PIEZO2: variants seen among roughly 807,000 people sequenced by gnomAD.
PIEZO2 encodes the protein piezo-type mechanosensitive ion channel component 2.
PIEZO2 carries 172 observed loss-of-function variants against 337.3 expected under a neutral mutation model. That is an observed-to-expected ratio of 0.51 (90% CI 0.45 to 0.58). The LOEUF is 0.58. PIEZO2 is among the 20% of genes least tolerant of loss of function. The pLI is 0.00. For missense variants in PIEZO2, 3,028 were observed against 3,391.3 expected (o/e 0.89, Z 2.66); for synonymous variants, 1,251 against 1,228.5 (o/e 1.02, Z -0.38).
chr18:11,083,535 C>T lies in PIEZO2; in HGVS notation c.65-17313G>A, dbSNP rs2038821766. Among the ~76,000 whole-genome samples, 1 of 152,146 alleles carries T rather than the reference C, an allele frequency of 6.6e-6. No homozygotes were observed. Among genetic ancestry groups the T allele is most frequent in the Non-Finnish European group, 1.5e-5 (1 of 68,032 alleles). On this transcript the variant is annotated intron_variant, in intron 1 of 55. Coordinates refer to ENST00000674853, the MANE Select transcript of PIEZO2 (RefSeq NM_001378183.1). The surrounding 1 kb of genome is among the most constrained non-coding windows in gnomAD (Gnocchi z 4.4). ...GCCTGTACACAAAGGGGGAGCCACT[C>T]AGGTGGTGCCAGCCCTGCAGGGCAC...
intron 40 of PIEZO2, among the ~76,000 whole-genome samples, chr18:10,705,991 C>T (rs1336907386): frequency 6.6e-6 from 1 of 152,234 alleles, no homozygotes; most frequent in Non-Finnish European, 1.5e-5. Flanking sequence ...AGTCACGTGG[C>T]TCTCAAAGAG....
chr18:10,985,021 T>C (rs2034814295), intron 2 of PIEZO2, among the ~76,000 whole-genome samples: 1 of 152,066 alleles, frequency 6.6e-6, no homozygotes, highest in Non-Finnish European at 1.5e-5. Context: ...ACAAAGACTT[T>C]CCCAGAAAGG....
At chr18:11,119,534 C>A (rs1365801821) in intron 1 of PIEZO2, among the ~76,000 whole-genome samples, 1 of 152,198 alleles carries the variant, frequency 6.6e-6, no homozygotes, top group African/African-American at 2.4e-5. Flanking sequence ...TTTAAAAGAA[C>A]TGTGTTTGTG....
At chr18:10,799,583 C>CACTA (rs2039730249) in intron 11 of PIEZO2, among the ~76,000 whole-genome samples, 1 of 152,118 alleles carries the variant, frequency 6.6e-6, no homozygotes, top group South Asian at 2.1e-4. Flanking sequence ...TAGTGGTCTC[C>CACTA]TTCAACATAA....
rs1419095734 is a variant in PIEZO2 at position 10,877,537 on chromosome 18, G to A, written c.330-6122C>T. ...CTATAGTCCTAATTTTGGAAAACAC[G>A]GCTGTCATCAACCTAGTGACCAAAA... On this transcript the variant is annotated intron_variant, in intron 4 of 55. Coordinates refer to ENST00000674853, the MANE Select transcript of PIEZO2 (RefSeq NM_001378183.1). The surrounding 1 kb of genome is among the most constrained non-coding windows in gnomAD (Gnocchi z 5.3). 6.6e-6 allele frequency among the ~76,000 whole-genome samples: 1 copy of A among 152,018 alleles called. No individual in the cohort carries two copies. The highest frequency in any genetic ancestry group is 2.4e-5 in the African/African-American group (1 of 41,388).
intron 17 of PIEZO2, among the ~76,000 whole-genome samples, chr18:10,782,556 G>A (rs759239048): frequency 4.4e-5 from 6 of 136,972 alleles, no homozygotes; most frequent in South Asian, 2.2e-4. Context: ...TTCATAGAAC[G>A]AAAAATGAAA....
intron 7 of PIEZO2, 139 bp from the exon 8 acceptor site, chr18:10,807,413 C>G: frequency 1.5e-6 from 1 of 688,498 alleles, no homozygotes. Flanking sequence ...TTCAATTACC[C>G]TTCTGTATAC....
chr18:11,137,851 C>T (rs1043487945), intron 1 of PIEZO2, among the ~76,000 whole-genome samples: 1 of 152,154 alleles, frequency 6.6e-6, no homozygotes, highest in Non-Finnish European at 1.5e-5. Context: ...GAAAACAGAT[C>T]GATTTGTGTG....
At chr18:10,706,953 A>G (rs568823317) in intron 40 of PIEZO2, among the ~76,000 whole-genome samples, 18 of 152,308 alleles carry the variant, frequency 1.2e-4, no homozygotes, top group African/African-American at 4.3e-4. Context: ...ACCAGTATAG[A>G]CATATGGATG....
At position 11,032,939 on chromosome 18, in the gene PIEZO2, A is replaced by G. The variant is rs1359816910; in HGVS notation, c.160+33188T>C. On this transcript the variant is annotated intron_variant, in intron 2 of 55. Coordinates refer to ENST00000674853, the MANE Select transcript of PIEZO2 (RefSeq NM_001378183.1). This position sits in a 1 kb window ranked among gnomAD's most constrained non-coding sequence, Gnocchi z 4.9. The stretch of plus-strand genomic sequence containing the variant: ...ATTGCTGAGGCCCTTCTAGCCATGG[A>G]TAGCACTGGACTCACAGTCAAGGTA... Among the ~76,000 whole-genome samples the G allele has an allele frequency of 1.3e-5, 2 of 152,202 alleles. No individual in the cohort carries two copies. The highest frequency in any genetic ancestry group is 4.1e-4 in the South Asian group (2 of 4,832).
intron 1 of PIEZO2, among the ~76,000 whole-genome samples, chr18:11,145,797 T>TAA (rs2040794721): frequency 1.3e-5 from 2 of 152,172 alleles, no homozygotes; most frequent in Non-Finnish European, 2.9e-5. Flanking sequence ...TCAATAATTT[T>TAA]CCAGAATGCA....
intron 3 of PIEZO2, among the ~76,000 whole-genome samples, chr18:10,965,901 T>C (rs57143705): frequency 0.02 from 3,039 of 152,248 alleles, 114 homozygotes; most frequent in African/African-American, 0.069. Context: ...TAGGGAAATA[T>C]AAGGTCCATG....
At chr18:10,774,546 G>C (rs899486037) in intron 18 of PIEZO2, among the ~76,000 whole-genome samples, 1 of 152,140 alleles carries the variant, frequency 6.6e-6, no homozygotes, top group African/African-American at 2.4e-5. Flanking sequence ...TGGCAACCGT[G>C]GGAAGACTGT....
chr18:10,877,278 T>A lies in PIEZO2; in HGVS notation c.330-5863A>T, dbSNP rs1274069286. 6.6e-6 allele frequency among the ~76,000 whole-genome samples: 1 copy of A among 152,224 alleles called. No homozygotes were observed. Among genetic ancestry groups the A allele is most frequent in the Admixed American group, 6.5e-5 (1 of 15,288 alleles). On this transcript the variant is annotated intron_variant, in intron 4 of 55. Coordinates refer to ENST00000674853, the MANE Select transcript of PIEZO2 (RefSeq NM_001378183.1). The surrounding 1 kb of genome is among the most constrained non-coding windows in gnomAD (Gnocchi z 5.3). ...AATCAGAATCACAGATCAATGAACA[T>A]TTTCTAGCACACCATTTCCCAAAAG...
Position 10,954,173 on chromosome 18 carries a change from T to C in PIEZO2, c.286+25362A>G, listed in dbSNP as rs1414588897. Among the ~76,000 whole-genome samples, 1 of 152,248 alleles carries C rather than the reference T, an allele frequency of 6.6e-6. No individual in the cohort carries two copies. The highest frequency in any genetic ancestry group is 1.5e-5 in the Non-Finnish European group (1 of 68,044). On this transcript the variant is annotated intron_variant, in intron 3 of 55. Coordinates refer to ENST00000674853, the MANE Select transcript of PIEZO2 (RefSeq NM_001378183.1). The surrounding 1 kb of genome is among the most constrained non-coding windows in gnomAD (Gnocchi z 4.2). ...TTACTTTGGCTATTGTAGTTTTTTT[T>C]CCATATATATTTTAGAGTCAGCTTG...
rs923098945 is a variant in PIEZO2, at chr18:10,853,367, A to G, written c.917+1986T>C. On this transcript the variant is annotated intron_variant, in intron 7 of 55. Coordinates refer to ENST00000674853, the MANE Select transcript of PIEZO2 (RefSeq NM_001378183.1). This position sits in a 1 kb window ranked among gnomAD's most constrained non-coding sequence, Gnocchi z 4.2. ...TTCCAAGTGTACTTCACTTCCTTTCATTCCTGCTCTAAAGCTTTTTAATAC... is the reference window on the plus strand; with the variant it reads ...TTCCAAGTGTACTTCACTTCCTTTCGTTCCTGCTCTAAAGCTTTTTAATAC... Among the ~76,000 whole-genome samples the G allele has an allele frequency of 6.6e-6, 1 of 152,142 alleles. No homozygotes were observed. The highest frequency in any genetic ancestry group is 2.4e-5 in the African/African-American group (1 of 41,426).
chr18:10,681,880 G>T, intron 50 of PIEZO2, 127 bp from the exon 51 acceptor site: 1 of 881,584 alleles, frequency 1.1e-6, no homozygotes. Flanking sequence ...ATGATACATG[G>T]CATCCGAGAT....
In PIEZO2 at chr18:10,775,795, C is replaced by T. The variant is rs562841378; in HGVS notation, c.2535-1757G>A. On this transcript the variant is annotated intron_variant, in intron 18 of 55. Transcript: ENST00000674853. This position sits in a 1 kb window ranked among gnomAD's most constrained non-coding sequence, Gnocchi z 4.3. Reference sequence around the variant, plus strand: ...CTTGTAATGGGACAAGATGCAGCTGCGGACAAATGAGAAGGGCATCTCTGC... The same window carrying T: ...CTTGTAATGGGACAAGATGCAGCTGTGGACAAATGAGAAGGGCATCTCTGC... Among the ~76,000 whole-genome samples, 96 of 152,160 alleles carry T rather than the reference C, an allele frequency of 6.3e-4. No homozygotes were observed. Among genetic ancestry groups the T allele is most frequent in the Middle Eastern group, 6.8e-3 (2 of 294 alleles).
intron 2 of PIEZO2, among the ~76,000 whole-genome samples, chr18:11,029,584 T>TA (rs1240874577): frequency 3.3e-5 from 5 of 152,198 alleles, no homozygotes; most frequent in African/African-American, 9.6e-5. Flanking sequence ...CCACTCTACT[T>TA]AGAGTAAAGG....
Sources: allele counts gnomAD v4.1 joint callset (sites outside exome capture counted in the v4.1 genomes callset), GRCh38; gene constraint gnomAD v4.1.1; non-coding constraint Gnocchi (gnomAD v3.1); transcripts MANE v1.5; gene names NCBI Gene and HGNC (gene_info 2026-07-23, HGNC 2026-07-21).